The following PCA3 variants were observed in gnomAD, a reference collection of about 807,000 sequenced individuals.
The protein encoded by PCA3 is Differential Display code 3.
intron 2 of PCA3, among the ~76,000 whole-genome samples, chr9:76,767,415 C>T (rs889503073): frequency 1.3e-5 from 2 of 151,066 alleles, no homozygotes; most frequent in Admixed American, 6.6e-5. Context: ...TGTGCCACTG[C>T]GCTCCAGCCT....
intron 2 of PCA3, among the ~76,000 whole-genome samples, chr9:76,776,333 C>G (rs1376363370): frequency 6.6e-6 from 1 of 152,056 alleles, no homozygotes; most frequent in African/African-American, 2.4e-5. Context: ...ATTTCACTCT[C>G]TGTGTCCATG....
At chr9:76,777,001 T>C (rs1021228838) in intron 2 of PCA3, among the ~76,000 whole-genome samples, 1 of 150,694 alleles carries the variant, frequency 6.6e-6, no homozygotes. Flanking sequence ...CCTAAACTGT[T>C]CCTCTTGGGT....
intron 2 of PCA3, among the ~76,000 whole-genome samples, chr9:76,776,329 C>G (rs1364113563): frequency 1.3e-5 from 2 of 151,422 alleles, no homozygotes; most frequent in Non-Finnish European, 1.5e-5. Context: ...TATTATTTCA[C>G]TCTCTGTGTC....
chr9:76,770,829 A>G (rs1337699416), intron 2 of PCA3, among the ~76,000 whole-genome samples: 1 of 152,236 alleles, frequency 6.6e-6, no homozygotes, highest in Non-Finnish European at 1.5e-5. Flanking sequence ...ACTGCTCATA[A>G]TGGTCAGTAT....
At chr9:76,766,849 G>A (rs1023666025) in intron 2 of PCA3, among the ~76,000 whole-genome samples, 1 of 152,126 alleles carries the variant, frequency 6.6e-6, no homozygotes, top group Non-Finnish European at 1.5e-5. Flanking sequence ...CTGTTCTGCG[G>A]TCCAACCCTA....
At chr9:76,766,686 C>A (rs1020694145) in intron 2 of PCA3, among the ~76,000 whole-genome samples, 12 of 152,128 alleles carry the variant, frequency 7.9e-5, no homozygotes, top group African/African-American at 2.4e-4. Flanking sequence ...TCGTCTTCTT[C>A]AAACATGTCA....
intron 2 of PCA3, among the ~76,000 whole-genome samples, chr9:76,767,009 G>A (rs1008578096): frequency 3.3e-5 from 5 of 152,132 alleles, no homozygotes; most frequent in African/African-American, 7.2e-5. Flanking sequence ...GGTAGGCTTC[G>A]TGAAATCTTA....
At chr9:76,773,072 T>C (rs566908263) in intron 2 of PCA3, among the ~76,000 whole-genome samples, 1 of 152,198 alleles carries the variant, frequency 6.6e-6, no homozygotes, top group East Asian at 1.9e-4. Context: ...ATTTCTTACA[T>C]TGAAATTTAT....
intron 2 of PCA3, chr9:76,786,681 A>G (rs1359488628): frequency 6.6e-6 from 1 of 152,206 alleles, no homozygotes; most frequent in Non-Finnish European, 1.5e-5. Flanking sequence ...ACTAACCTGA[A>G]TGCCTAGACC....
rs1554763789 is a variant in PCA3, at chr9:76,776,941, C to CACAGACAG, written n.853-31639_853-31638insGACAGACA. ...ACACACACACACACACACACACACA[C>CACAGACAG]ACACAAAGGGCCTGGACCTTTCTTC... On this transcript the variant is annotated intron_variant and non_coding_transcript_variant, in intron 2 of 5. Coordinates refer to ENST00000644657, the Ensembl canonical transcript of PCA3. Among the ~76,000 whole-genome samples, 15 of 144,900 alleles carry CACAGACAG rather than the reference C, an allele frequency of 1.0e-4. 1 individual carries two copies. The highest frequency in any genetic ancestry group is 1.8e-4 in the Non-Finnish European group (12 of 66,268).
intron 2 of PCA3, chr9:76,784,120 CT>C: frequency 6.6e-6 from 1 of 152,232 alleles, no homozygotes; most frequent in Non-Finnish European, 1.5e-5. Flanking sequence ...TCACAGATCC[CT>C]GGGAGAAATG....
intron 2 of PCA3, among the ~76,000 whole-genome samples, chr9:76,769,642 C>A (rs1225948943): frequency 1.3e-5 from 2 of 152,170 alleles, no homozygotes; most frequent in Admixed American, 6.5e-5. Context: ...TCAGGCTGGA[C>A]TCGAACTCCC....
chr9:76,782,961 A>C (rs1174297209), intron 2 of PCA3: 1 of 152,220 alleles, frequency 6.6e-6, no homozygotes, highest in Non-Finnish European at 1.5e-5. Context: ...TCTATGAATT[A>C]GACAATCTTT....
intron 2 of PCA3, among the ~76,000 whole-genome samples, chr9:76,776,893 T>TAC (rs541232508): frequency 0.12 from 14,329 of 115,062 alleles, 991 homozygotes; most frequent in Admixed American, 0.17. Flanking sequence ...CCAAAACACA[T>TAC]ACACACACAC....
rs545556172 is a variant in PCA3, at chr9:76,782,009, T to C, written n.853-26574T>C. ...GCAGGTGGATCATGAGGTCAGGAGA[T>C]TGAGACCATCCTGGCTAACACGGTG... On this transcript the variant is annotated intron_variant and non_coding_transcript_variant, in intron 2 of 5. Coordinates refer to ENST00000644657, the Ensembl canonical transcript of PCA3. 1.8e-4 allele frequency among the ~76,000 whole-genome samples: 28 copies of C among 152,078 alleles called. No homozygotes were observed. In the South Asian group the frequency reaches 5.4e-3, roughly 29 times the overall value.
In PCA3 at chr9:76,784,915, CT is replaced by C. The variant is rs555072309; in HGVS notation, n.853-23658del. The stretch of plus-strand genomic sequence containing the variant: ...CATTCCATTAATATCACAGGATTAA[CT>C]TTTTTTTTTAACCTGGAAGAATTCA... On this transcript the variant is annotated intron_variant and non_coding_transcript_variant, in intron 2 of 5. Coordinates refer to ENST00000644657, the Ensembl canonical transcript of PCA3. 4.1e-4 allele frequency: 62 copies of C among 150,058 alleles called. 1 individual carries two copies. The South Asian group carries it at 6.3e-3, about 15-fold the overall frequency. The allele number at this position is 150,058 out of a possible 1,614,324, so 9.3% of individuals were successfully genotyped here.
chr9:76,781,193 A>G (rs975370753), intron 2 of PCA3, among the ~76,000 whole-genome samples: 3 of 152,136 alleles, frequency 2.0e-5, no homozygotes, highest in Admixed American at 6.5e-5. Context: ...CTTTATTTGC[A>G]TTGTTACCTG....
At chr9:76,782,517 T>A (rs1190180437) in intron 2 of PCA3, among the ~76,000 whole-genome samples, 1 of 152,224 alleles carries the variant, frequency 6.6e-6, no homozygotes, top group Non-Finnish European at 1.5e-5. Context: ...TTTACAGAGT[T>A]CTTCTAAAAA....
chr9:76,781,738 T>C (rs2054420662), intron 2 of PCA3, among the ~76,000 whole-genome samples: 1 of 152,238 alleles, frequency 6.6e-6, no homozygotes, highest in African/African-American at 2.4e-5. Flanking sequence ...TTTAGTTCCT[T>C]ATGTTCCTCG....
Sources: gnomAD v4.1 joint callset for allele counts (sites outside exome capture counted in the v4.1 genomes callset) on GRCh38, gnomAD v4.1.1 for gene constraint, MANE v1.5 for transcripts, NCBI Gene and HGNC (gene_info 2026-07-23, HGNC 2026-07-21) for gene names.